The following PPP1R1C variants were observed in gnomAD, a reference collection of about 807,000 sequenced individuals.
The protein encoded by PPP1R1C is protein phosphatase 1 regulatory subunit 1C.
Under a neutral mutation model 17.4 loss-of-function variants are expected in PPP1R1C, and 15 were observed. That is an observed-to-expected ratio of 0.86 (90% CI 0.58 to 1.33). The LOEUF (loss-of-function observed/expected upper bound fraction) is 1.33, where lower values mean the gene tolerates loss of function less well. Ranked by LOEUF, PPP1R1C falls within the 40% of genes most tolerant of loss-of-function variation. The pLI, the probability that PPP1R1C is intolerant of heterozygous loss-of-function variation, is 0.00. For missense variants in PPP1R1C, 143 were observed against 130.0 expected, an observed-to-expected ratio of 1.10 and a Z score of -0.48; for synonymous variants, 35 against 43.1, an observed-to-expected ratio of 0.81 and a Z score of 0.73.
chr2:182,112,166 G>A (rs572819457), intron 4 of PPP1R1C, among the ~76,000 whole-genome samples: 2 of 152,182 alleles, frequency 1.3e-5, no homozygotes, highest in Admixed American at 6.5e-5. Context: ...TTCATGCTCA[G>A]CACACAGTAG....
At chr2:182,065,163 C>T (rs768950261) in intron 4 of PPP1R1C, among the ~76,000 whole-genome samples, 3 of 152,052 alleles carry the variant, frequency 2.0e-5, no homozygotes, top group African/African-American at 4.8e-5. Context: ...CCCCGAGATA[C>T]TCATTTAATG....
intron 2 of PPP1R1C, among the ~76,000 whole-genome samples, chr2:181,991,114 C>CTTT (rs34332425): frequency 3.3e-5 from 5 of 150,182 alleles, no homozygotes; most frequent in East Asian, 3.9e-4. Context: ...ACATAGCTTG[C>CTTT]TTTTTTTTTT....
exon 1 of PPP1R1C, chr2:181,954,550 G>C (rs913760946): frequency 2.0e-5 from 3 of 152,084 alleles, no homozygotes; most frequent in Non-Finnish European, 2.9e-5. Context: ...CGAGACCTTG[G>C]AGAGCCACGA....
chr2:182,025,981 GT>G (rs1434760422), intron 2 of PPP1R1C, among the ~76,000 whole-genome samples: 5 of 140,782 alleles, frequency 3.6e-5, no homozygotes, highest in Middle Eastern at 3.5e-3. Context: ...ATTTTTTCAT[GT>G]GTTTTTTGGC....
At chr2:182,011,959 T>C (rs1429582019) in intron 2 of PPP1R1C, among the ~76,000 whole-genome samples, 1 of 152,090 alleles carries the variant, frequency 6.6e-6, no homozygotes, top group Non-Finnish European at 1.5e-5. Context: ...TTTAATGTTA[T>C]TCCACTGTGG....
intron 4 of PPP1R1C, among the ~76,000 whole-genome samples, chr2:182,103,153 G>C (rs974813926): frequency 2.6e-4 from 39 of 152,116 alleles, no homozygotes; most frequent in African/African-American, 8.9e-4. Flanking sequence ...GTTGGGGGGA[G>C]GTTCTGATTT....
At chr2:182,041,869 T>G (rs1687194574) in intron 2 of PPP1R1C, among the ~76,000 whole-genome samples, 2 of 152,210 alleles carry the variant, frequency 1.3e-5, no homozygotes, top group Non-Finnish European at 2.9e-5. Context: ...ATTCTGCTTT[T>G]GGCAGCTTTA....
At chr2:182,128,516 A>AT (rs1053026983) in intron 5 of PPP1R1C, among the ~76,000 whole-genome samples, 21 of 152,148 alleles carry the variant, frequency 1.4e-4, no homozygotes, top group Non-Finnish European at 2.4e-4. Context: ...GAGAATAGAC[A>AT]GAAAGCAGCA....
chr2:182,066,968 T>TTTGTGTGTG (rs1559079296), intron 4 of PPP1R1C, among the ~76,000 whole-genome samples: 5,374 of 144,734 alleles, frequency 0.037, 322 homozygotes, highest in African/African-American at 0.13. Context: ...GTGTGTGTGT[T>TTTGTGTGTG]TGTGTGTGTG....
chr2:182,116,285 CGAG>C (rs1366230121), intron 4 of PPP1R1C, among the ~76,000 whole-genome samples: 3 of 152,070 alleles, frequency 2.0e-5, no homozygotes, highest in African/African-American at 7.2e-5. Context: ...TTCTCAGCAT[CGAG>C]GAGTTTTCTC....
At chr2:182,078,879 C>T (rs1688392804) in intron 4 of PPP1R1C, among the ~76,000 whole-genome samples, 1 of 152,218 alleles carries the variant, frequency 6.6e-6, no homozygotes, top group Non-Finnish European at 1.5e-5. Context: ...CCCCAACCAA[C>T]AGAATGACAC....
intron 2 of PPP1R1C, among the ~76,000 whole-genome samples, chr2:181,975,875 C>A (rs970815989): frequency 3.3e-5 from 5 of 151,950 alleles, no homozygotes; most frequent in African/African-American, 9.7e-5. Flanking sequence ...ATAATGATCT[C>A]ATCCAAAGTA....
At chr2:181,996,077 T>C (rs1002790879) in intron 2 of PPP1R1C, among the ~76,000 whole-genome samples, 1 of 152,214 alleles carries the variant, frequency 6.6e-6, no homozygotes, top group Non-Finnish European at 1.5e-5. Flanking sequence ...GAAAGCACTA[T>C]AACAGGTTGG....
intron 4 of PPP1R1C, among the ~76,000 whole-genome samples, chr2:182,116,696 T>A (rs533757933): frequency 6.6e-6 from 1 of 152,166 alleles, no homozygotes; most frequent in Non-Finnish European, 1.5e-5. Context: ...GGGGAAGTTA[T>A]TGAAGAATTT....
At chr2:182,023,990 T>C (rs997797726) in intron 2 of PPP1R1C, 3 of 152,052 alleles carry the variant, frequency 2.0e-5, no homozygotes, top group Admixed American at 2.0e-4. Context: ...AATTTCTCCT[T>C]CTCATAATAG....
chr2:182,100,300 A>G (rs1689059670), intron 4 of PPP1R1C, among the ~76,000 whole-genome samples: 2 of 151,310 alleles, frequency 1.3e-5, no homozygotes, highest in African/African-American at 2.4e-5. Context: ...TCACGAGGTC[A>G]AGAGATTGAG....
At chr2:182,005,084 T>G (rs1685877824) in intron 2 of PPP1R1C, among the ~76,000 whole-genome samples, 1 of 152,218 alleles carries the variant, frequency 6.6e-6, no homozygotes, top group Non-Finnish European at 1.5e-5. Context: ...ACTAATTTAT[T>G]AGATGTTTTT....
At chr2:182,081,708 A>G (rs1688482476) in intron 4 of PPP1R1C, among the ~76,000 whole-genome samples, 1 of 152,236 alleles carries the variant, frequency 6.6e-6, no homozygotes, top group Admixed American at 6.5e-5. Flanking sequence ...ATGTCATAAT[A>G]AAAACTCCTG....
chr2:181,961,699 C>T lies in PPP1R1C; in HGVS notation n.111+7065C>T, dbSNP rs570239425. 3.3e-5 allele frequency: 26 copies of T among 789,994 alleles called. No homozygotes were observed. The highest frequency in any genetic ancestry group is 3.8e-5 in the Non-Finnish European group (17 of 446,832). The allele number at this position is 789,994 out of a possible 1,614,324, so 48.9% of individuals were successfully genotyped here. On this transcript the variant is annotated intron_variant and non_coding_transcript_variant, in intron 1 of 5. Transcript: ENST00000464264. The surrounding 1 kb of genome is among the most constrained non-coding windows in gnomAD (Gnocchi z 5.8). Reference sequence around the variant, plus strand: ...CTTGTCCAGCTCCTCTCAGTTCTTTCGAGTCAGCTCATCATATTGGGCCCG... The same window carrying T: ...CTTGTCCAGCTCCTCTCAGTTCTTTTGAGTCAGCTCATCATATTGGGCCCG...
Sources: allele counts gnomAD v4.1 joint callset (sites outside exome capture counted in the v4.1 genomes callset), GRCh38; gene constraint gnomAD v4.1.1; non-coding constraint Gnocchi (gnomAD v3.1); transcripts MANE v1.5; gene names NCBI Gene and HGNC (gene_info 2026-07-23, HGNC 2026-07-21).